The following NAA25 variants were observed in gnomAD, a reference collection of about 807,000 sequenced individuals.
NAA25 encodes the protein N-alpha-acetyltransferase 25, NatB auxiliary subunit, also known as N-terminal acetyltransferase B complex subunit NAA25.
A neutral mutation model predicts 132.5 loss-of-function variants in NAA25; 30 were observed. The ratio of observed to expected loss-of-function variants is 0.23; its 90% CI spans 0.17 to 0.31. NAA25 has a LOEUF of 0.31. NAA25 is among the 10% of genes least tolerant of loss of function. The pLI, the probability that NAA25 is intolerant of heterozygous loss-of-function variation, is 1.00. For missense variants in NAA25, 771 were observed against 1,150.4 expected, an observed-to-expected ratio of 0.67 and a Z score of 4.77; for synonymous variants, 359 against 401.9, an observed-to-expected ratio of 0.89 and a Z score of 1.28.
intron 22 of NAA25, 143 bp from the exon 23 acceptor site, chr12:112,033,522 T>C (rs1397399286): frequency 1.7e-6 from 1 of 598,904 alleles, no homozygotes; most frequent in Non-Finnish European, 2.6e-6. Context: ...GGTACTAAAA[T>C]AACCAGCTAG....
rs749811894 is a variant in NAA25 at position 112,042,081 on chromosome 12, G to C, written c.2398C>G (p.Arg800Gly). The change falls in exon 20 of 24, where the codon CGA (arginine) becomes GGA (glycine). Residue 800 changes from arginine (R) to glycine (G), a missense_variant. Physicochemically the swap from Arg to Gly is moderately radical, Grantham distance 125. Transcript: ENST00000261745. The part of the protein sequence containing the change: ...GLEDTMEIQE[R>G]IENSFKSLLD... Reference sequence around the variant, plus strand: ...AAAGACTTAAAACTATTTTCTATTCGTTCCTGAATCTCCATTGTATCCTCT... The same window carrying C: ...AAAGACTTAAAACTATTTTCTATTCCTTCCTGAATCTCCATTGTATCCTCT... 8 of 1,484,714 alleles carry C rather than the reference G, an allele frequency of 5.4e-6. No homozygotes were observed. The East Asian group carries it at 2.1e-4, about 39-fold the overall frequency. The allele number at this position is 1,484,714 out of a possible 1,614,324, so 92.0% of individuals were successfully genotyped here. A position where few individuals can be genotyped will look rare whatever the true frequency, so the allele number is the denominator to read the frequency against.
chr12:112,075,565 C>CT (rs2078883659), intron 8 of NAA25, 113 bp downstream of exon 8: 7 of 792,192 alleles, frequency 8.8e-6, no homozygotes, highest in South Asian at 5.0e-5. Context: ...GACACAACTA[C>CT]TATAAGAAGA....
chr12:112,043,656 G>A lies in NAA25; in HGVS notation c.2219C>T (p.Thr740Ile). 1 of 1,614,108 alleles carries A rather than the reference G, an allele frequency of 6.2e-7. No homozygotes were observed. Among genetic ancestry groups the A allele is most frequent in the Non-Finnish European group, 8.5e-7 (1 of 1,180,008 alleles). The change falls in exon 18 of 24, where the codon ACA becomes ATA. Residue 740 changes from threonine to isoleucine, a missense_variant. Thr to Ile is a moderately conservative substitution (Grantham distance 89). Around this residue, in one of 3 missense-constraint regions of NAA25, gnomAD observed 324 missense variants for 400.0 expected, o/e 0.81. Transcript: ENST00000261745. The stretch of plus-strand genomic sequence containing the variant: ...ATCCTTCTCAATAAATCGCTTTCCT[G>A]TCTCCAGGGTTGCCTCCAGCTGTTG... Reference protein sequence around the residue: ...LLQQLEATLETGKRFIEKDIQ... With the variant: ...LLQQLEATLEIGKRFIEKDIQ...
rs1249277044 is a variant in NAA25, at chr12:112,090,803, T to C, written c.206A>G (p.Gln69Arg). The C allele has an allele frequency of 2.5e-6, 4 of 1,613,924 alleles. No homozygotes were observed. The South Asian group carries it at 3.3e-5, about 13-fold the overall frequency. The change falls in exon 3 of 24, where the codon CAG becomes CGG. Residue 69 changes from glutamine to arginine, a missense_variant. Physicochemically the swap from Gln to Arg is conservative, Grantham distance 43. Coordinates refer to ENST00000261745, the MANE Select transcript of NAA25 (RefSeq NM_024953.4). ...GKQEEAFTLA[Q>R]EVAALEPTDD... ...TGTGGGTTCAAGGGCTGCCACCTCC[T>C]GTGCAAGAGTAAAGGCTTCCTCTTG... is the stretch of plus-strand genomic sequence containing the variant.
intron 11 of NAA25, chr12:112,063,950 C>CAGTT (rs1308896180): frequency 6.6e-6 from 1 of 152,058 alleles, no homozygotes; most frequent in African/African-American, 2.4e-5. Context: ...CTATGTTGTC[C>CAGTT]AGGCTGGACT....
At chr12:112,039,773 A>G (rs2078277003) in intron 21 of NAA25, 1 of 161,522 alleles carries the variant, frequency 6.2e-6, no homozygotes. Context: ...CTTAACTTAC[A>G]TATGTATGGC....
chr12:112,085,794 C>T (rs530512435), intron 4 of NAA25, among the ~76,000 whole-genome samples: 2 of 150,166 alleles, frequency 1.3e-5, no homozygotes, highest in South Asian at 2.1e-4. Context: ...CAGAGGCGAG[C>T]GGATCATGAG....
At chr12:112,060,950 A>C (rs1397659739) in intron 12 of NAA25, among the ~76,000 whole-genome samples, 2 of 152,200 alleles carry the variant, frequency 1.3e-5, no homozygotes, top group Admixed American at 6.5e-5. Context: ...AATCTAATAA[A>C]AAGTTAGCTC....
intron 13 of NAA25, 43 bp downstream of exon 13, chr12:112,060,227 T>C (rs750111142): frequency 7.3e-6 from 10 of 1,368,292 alleles, no homozygotes; most frequent in South Asian, 1.2e-5. Flanking sequence ...TTATAATCAA[T>C]AAAAGCAAAA....
intron 9 of NAA25, among the ~76,000 whole-genome samples, chr12:112,072,905 C>G (rs1009025906): frequency 6.6e-6 from 1 of 152,092 alleles, no homozygotes; most frequent in Middle Eastern, 3.4e-3. Flanking sequence ...CACCACTGCA[C>G]TCCAGACTGG....
At chr12:112,032,865 G>A (rs374603324) in intron 23 of NAA25, among the ~76,000 whole-genome samples, 157 of 152,210 alleles carry the variant, frequency 1.0e-3, no homozygotes, top group African/African-American at 3.6e-3. Flanking sequence ...TCCTTTCTCA[G>A]GTGATAACTG....
rs956072534 is a variant in NAA25 at position 112,027,304 on chromosome 12, TAAG to T, written c.*2224_*2226del. On this transcript the variant is annotated 3_prime_UTR_variant, in exon 24 of 24. Transcript: ENST00000261745. ...TGGGAGAGGGTGCTTTTTACTCATG[TAAG>T]AATATATATATATATATATTTTTTT... The T allele has an allele frequency of 2.0e-5, 3 of 151,234 alleles. No individual in the cohort carries two copies. The highest frequency in any genetic ancestry group is 4.4e-5 in the Non-Finnish European group (3 of 67,884). 9.4% of individuals were successfully genotyped at this position (151,234 alleles called of 1,614,324 possible).
At position 112,049,432 on chromosome 12, in the gene NAA25, C is replaced by G. The variant is rs1344713907; in HGVS notation, c.1729-989G>C. The G allele has an allele frequency of 1.2e-5, 12 of 984,224 alleles. No individual in the cohort carries two copies. The highest frequency in any genetic ancestry group is 1.4e-5 in the Non-Finnish European group (12 of 828,450). 61.0% of individuals were successfully genotyped at this position (984,224 alleles called of 1,614,324 possible). A position where few individuals can be genotyped will look rare whatever the true frequency, so the allele number is the denominator to read the frequency against. ...ATCAGCTCTGCCCCCATCTCCATTA[C>G]GTCTGAATAATTTGCCCAGTAGGAA... On this transcript the variant is annotated intron_variant, in intron 15 of 23. Coordinates refer to ENST00000261745, the MANE Select transcript of NAA25 (RefSeq NM_024953.4). The surrounding 1 kb of genome is among the most constrained non-coding windows in gnomAD (Gnocchi z 4.7).
intron 22 of NAA25, chr12:112,035,127 A>G (rs1000501074): frequency 6.6e-6 from 1 of 152,230 alleles, no homozygotes; most frequent in Admixed American, 6.5e-5. Flanking sequence ...ACTGGTAAGT[A>G]TATGAATGAT....
intron 3 of NAA25, among the ~76,000 whole-genome samples, chr12:112,088,120 C>T (rs1456019046): frequency 1.3e-5 from 2 of 152,106 alleles, no homozygotes; most frequent in Non-Finnish European, 2.9e-5. Context: ...TCATACATAA[C>T]TCTATGCCTC....
chr12:112,091,662 G>A (rs1354149897), intron 2 of NAA25, among the ~76,000 whole-genome samples: 1 of 151,150 alleles, frequency 6.6e-6, no homozygotes, highest in Admixed American at 6.6e-5. Flanking sequence ...CTAGGCAACT[G>A]CAGTCCAGCC....
Position 112,074,341 on chromosome 12 carries a change from C to CAAAA in NAA25, c.866+330_866+333dup, listed in dbSNP as rs34077129. 0.051 allele frequency among the ~76,000 whole-genome samples: 1,772 copies of CAAAA among 34,850 alleles called. 197 individuals are homozygous for CAAAA. The East Asian group carries it at 0.52, about 10-fold the overall frequency. 22.9% of individuals were successfully genotyped at this position (34,850 alleles called of 152,430 possible). ...GGGTGACAAGAGCCAAACTCCATCT[C>CAAAA]AAAAAAAAAAAAAAAAAAAAAAAGG... On this transcript the variant is annotated intron_variant, in intron 9 of 23. Transcript: ENST00000261745.
chr12:112,055,745 A>G (rs771286128), intron 13 of NAA25, among the ~76,000 whole-genome samples: 2 of 152,144 alleles, frequency 1.3e-5, no homozygotes, highest in African/African-American at 2.4e-5. Context: ...AAAAAATGCA[A>G]AAGTGATAAG....
intron 3 of NAA25, among the ~76,000 whole-genome samples, chr12:112,089,107 A>G (rs905337195): frequency 6.6e-6 from 1 of 152,172 alleles, no homozygotes; most frequent in South Asian, 2.1e-4. Context: ...TAAAAATTAA[A>G]AACAAAATTG....
Sources: gnomAD v4.1 joint callset for allele counts (sites outside exome capture counted in the v4.1 genomes callset) on GRCh38, gnomAD v4.1.1 for gene constraint, gnomAD v4.1.1 regional missense constraint, Gnocchi (gnomAD v3.1) non-coding constraint, MANE v1.5 for transcripts, NCBI Gene and HGNC (gene_info 2026-07-23, HGNC 2026-07-21) for gene names.